CNOT6: variants seen among roughly 807,000 people sequenced by gnomAD.
CNOT6 encodes CCR4-NOT transcription complex subunit 6, also known as carbon catabolite repression 4 protein.
CNOT6 carries 12 observed loss-of-function variants against 61.2 expected under a neutral mutation model. That is an observed-to-expected ratio of 0.20 (90% CI 0.13 to 0.32). The LOEUF (loss-of-function observed/expected upper bound fraction) is 0.32. Among genes scored for constraint, CNOT6 ranks in the 10% least tolerant of loss-of-function variants. The pLI is 1.00. For synonymous variants in CNOT6, 225 were observed against 240.6 expected, an observed-to-expected ratio of 0.94 and a Z score of 0.60; for missense variants, 405 against 663.9, an observed-to-expected ratio of 0.61 and a Z score of 4.28.
chr5:180,537,411 CATGGGT>C (rs1758755132), intron 2 of CNOT6, among the ~76,000 whole-genome samples: 4 of 152,138 alleles, frequency 2.6e-5, no homozygotes, highest in Admixed American at 2.6e-4. Flanking sequence ...GCTTTTTTGC[CATGGGT>C]ATATCTGCTT....
At chr5:180,500,304 G>A (rs1277643820) in intron 1 of CNOT6, among the ~76,000 whole-genome samples, 3 of 151,852 alleles carry the variant, frequency 2.0e-5, no homozygotes, top group Admixed American at 6.6e-5. Flanking sequence ...TAGAGATGAG[G>A]TCTCTCTACG....
chr5:180,510,803 C>T (rs1439810139), intron 1 of CNOT6, among the ~76,000 whole-genome samples: 1 of 151,784 alleles, frequency 6.6e-6, no homozygotes, highest in Non-Finnish European at 1.5e-5. Flanking sequence ...TGGAAAATAG[C>T]ACAGTTACTT....
At chr5:180,551,408 GT>G in intron 3 of CNOT6, among the ~76,000 whole-genome samples, 1 of 152,176 alleles carries the variant, frequency 6.6e-6, no homozygotes, top group South Asian at 2.1e-4. Context: ...TCATTGCTAT[GT>G]TTATTTTGAT....
At chr5:180,549,382 G>A (rs1442173292) in intron 2 of CNOT6, among the ~76,000 whole-genome samples, 2 of 152,128 alleles carry the variant, frequency 1.3e-5, no homozygotes, top group Non-Finnish European at 2.9e-5. Context: ...GGGCACAGTG[G>A]CTCATGCCTG....
chr5:180,527,237 T>C (rs1214724675), intron 1 of CNOT6, among the ~76,000 whole-genome samples: 1 of 152,186 alleles, frequency 6.6e-6, no homozygotes, highest in Admixed American at 6.5e-5. Flanking sequence ...AAAACCAGAT[T>C]TGTTTAAGTT....
chr5:180,497,595 T>G (rs947371218), intron 1 of CNOT6, among the ~76,000 whole-genome samples: 51 of 152,294 alleles, frequency 3.3e-4, no homozygotes, highest in African/African-American at 1.2e-3. Flanking sequence ...TTGAAAGCAT[T>G]TATTACTTTG....
chr5:180,515,602 T>C (rs1056048885), intron 1 of CNOT6, among the ~76,000 whole-genome samples: 7 of 152,084 alleles, frequency 4.6e-5, no homozygotes, highest in African/African-American at 1.7e-4. Flanking sequence ...GTGTAATAGT[T>C]GAAGTTGAGA....
intron 4 of CNOT6, among the ~76,000 whole-genome samples, chr5:180,556,525 C>T (rs1759900548): frequency 6.6e-6 from 1 of 152,172 alleles, no homozygotes; most frequent in Non-Finnish European, 1.5e-5. Context: ...TCCCCATAAA[C>T]ATACACAATT....
At chr5:180,546,623 C>A (rs193196304) in intron 2 of CNOT6, among the ~76,000 whole-genome samples, 30 of 152,336 alleles carry the variant, frequency 2.0e-4, no homozygotes, top group African/African-American at 7.0e-4. Flanking sequence ...TTTAAGTAGT[C>A]AATTACATTT....
chr5:180,568,631 C>G (rs1360265324), intron 9 of CNOT6, among the ~76,000 whole-genome samples: 1 of 151,898 alleles, frequency 6.6e-6, no homozygotes, highest in African/African-American at 2.4e-5. Context: ...GATAAATGGA[C>G]CACTTCAAAT....
intron 1 of CNOT6, among the ~76,000 whole-genome samples, chr5:180,509,115 C>T (rs545286333): frequency 8.9e-4 from 135 of 152,006 alleles, no homozygotes; most frequent in Non-Finnish European, 1.5e-3. Context: ...CCACAGCGCC[C>T]GGCCTATTTT....
intron 4 of CNOT6, among the ~76,000 whole-genome samples, chr5:180,555,010 CTTTT>C (rs34968726): frequency 7.1e-6 from 1 of 140,514 alleles, no homozygotes; most frequent in Non-Finnish European, 1.6e-5. Flanking sequence ...CACAAATTTG[CTTTT>C]TTTTTTTTTT....
chr5:180,558,442 C>T (rs899330921), intron 4 of CNOT6, among the ~76,000 whole-genome samples: 5 of 151,380 alleles, frequency 3.3e-5, no homozygotes, highest in Admixed American at 6.6e-5. Flanking sequence ...GACCTAAAGC[C>T]GCGGCCTGGT....
intron 2 of CNOT6, chr5:180,534,139 G>A (rs1758548901): frequency 6.5e-6 from 1 of 153,258 alleles, no homozygotes; most frequent in African/African-American, 2.4e-5. Flanking sequence ...TTATTTCCAT[G>A]GAAAACTTAT....
Position 180,558,510 on chromosome 5 carries a change from T to TAAAA in CNOT6, c.385+5047_385+5050dup, listed in dbSNP as rs71591502. ...GCGCCCTCCTTCGGCAGAAACACCT[T>TAAAA]AAAAAAAAAAACAAAAAACCTGCTA... is the stretch of plus-strand genomic sequence containing the variant. On this transcript the variant is annotated intron_variant, in intron 4 of 11. Coordinates refer to ENST00000261951, the MANE Select transcript of CNOT6 (RefSeq NM_001370472.1). Among the ~76,000 whole-genome samples, 323 of 140,222 alleles carry TAAAA rather than the reference T, an allele frequency of 2.3e-3. 4 individuals are homozygous for TAAAA. The highest frequency in any genetic ancestry group is 0.011 in the South Asian group (50 of 4,398). The allele number at this position is 140,222 out of a possible 152,430, so 92.0% of individuals were successfully genotyped here. A position where few individuals can be genotyped will look rare whatever the true frequency, so the allele number is the denominator to read the frequency against.
chr5:180,575,067 T>G lies in CNOT6; in HGVS notation c.*867T>G, dbSNP rs1760945832. 1 of 152,644 alleles carries G rather than the reference T, an allele frequency of 6.6e-6. No individual in the cohort carries two copies. The highest frequency in any genetic ancestry group is 6.5e-5 in the Admixed American group (1 of 15,278). 9.5% of individuals were successfully genotyped at this position (152,644 alleles called of 1,614,324 possible). ...TTTTTAAATCTTTAACTTTTTAAAGTTAAAAACCTACAGCTGCTTAGGTCC... is the reference window on the plus strand; with the variant it reads ...TTTTTAAATCTTTAACTTTTTAAAGGTAAAAACCTACAGCTGCTTAGGTCC... On this transcript the variant is annotated 3_prime_UTR_variant, in exon 12 of 12. Coordinates refer to ENST00000261951, the MANE Select transcript of CNOT6 (RefSeq NM_001370472.1).
chr5:180,564,608 G>A lies in CNOT6; in HGVS notation c.490+15G>A. On this transcript the variant is annotated intron_variant, in intron 5 of 11. Transcript: ENST00000261951. Reference sequence around the variant, plus strand: ...TGCAAAAAGAAGTAAGTGGTTATTTGTTTAAACCTTTTTATTAGGAAGACG... The same window carrying A: ...TGCAAAAAGAAGTAAGTGGTTATTTATTTAAACCTTTTTATTAGGAAGACG... The A allele has an allele frequency of 6.2e-7, 1 of 1,610,574 alleles. No individual in the cohort carries two copies. The highest frequency in any genetic ancestry group is 8.5e-7 in the Non-Finnish European group (1 of 1,176,866).
intron 6 of CNOT6, among the ~76,000 whole-genome samples, chr5:180,565,027 G>C (rs1190304553): frequency 1.3e-5 from 2 of 152,256 alleles, no homozygotes; most frequent in African/African-American, 2.4e-5. Context: ...TAACTGGGGA[G>C]AAGTGCTGCT....
chr5:180,496,935 AC>A (rs1243011999), intron 1 of CNOT6, among the ~76,000 whole-genome samples: 47 of 152,246 alleles, frequency 3.1e-4, no homozygotes, highest in Admixed American at 1.0e-3. Flanking sequence ...GAAATTTCAA[AC>A]TTTTGAGCAG....
Sources: allele counts gnomAD v4.1 joint callset (sites outside exome capture counted in the v4.1 genomes callset), GRCh38; gene constraint gnomAD v4.1.1; transcripts MANE v1.5; gene names NCBI Gene and HGNC (gene_info 2026-07-23, HGNC 2026-07-21).